The following UNC13A variants were observed in gnomAD, a reference collection of about 807,000 sequenced individuals.
UNC13A encodes the protein protein unc-13 homolog A.
Under a neutral mutation model 219.7 loss-of-function variants are expected in UNC13A, and 61 were observed. That is an observed-to-expected ratio of 0.28 (90% CI 0.23 to 0.34). UNC13A has a LOEUF of 0.34. UNC13A is among the 10% of genes least tolerant of loss of function. The pLI, the probability that UNC13A is intolerant of heterozygous loss-of-function variation, is 1.00. For synonymous variants in UNC13A, 920 were observed against 884.6 expected, an observed-to-expected ratio of 1.04 and a Z score of -0.71; for missense variants, 1,476 against 2,270.3, an observed-to-expected ratio of 0.65 and a Z score of 7.11.
At chr19:17,623,438 G>A in intron 36 of UNC13A, 104 bp downstream of exon 36, 1 of 855,596 alleles carries the variant, frequency 1.2e-6, no homozygotes, top group Non-Finnish European at 1.8e-6. Context: ...GGTGGGTGAG[G>A]AGGGGGCGCT....
At chr19:17,680,241 A>AC (rs1274609155) in intron 1 of UNC13A, among the ~76,000 whole-genome samples, 51 of 152,264 alleles carry the variant, frequency 3.3e-4, no homozygotes, top group African/African-American at 1.2e-3. Context: ...CCCGGTCAGT[A>AC]AATGGTCCCT....
At position 17,640,496 on chromosome 19, in the gene UNC13A, G is replaced by A; in HGVS notation, c.2787+15C>T. The A allele has an allele frequency of 6.5e-7, 1 of 1,544,998 alleles. No individual in the cohort carries two copies. The highest frequency in any genetic ancestry group is 8.7e-7 in the Non-Finnish European group (1 of 1,145,036). On this transcript the variant is annotated intron_variant, in intron 22 of 43. Coordinates refer to ENST00000519716, the MANE Select transcript of UNC13A (RefSeq NM_001080421.3). ...GGCTCTCCCTAATTCTCCAATCCCA[G>A]TCCCCAGGACTGACCCCAAAGTTGG...
chr19:17,674,551 G>A lies in UNC13A; in HGVS notation c.152+106C>T, dbSNP rs1438293653. The A allele has an allele frequency of 2.2e-6, 2 of 920,808 alleles. No homozygotes were observed. Among genetic ancestry groups the A allele is most frequent in the African/African-American group, 3.2e-5 (2 of 61,660 alleles). 57.0% of individuals were successfully genotyped at this position (920,808 alleles called of 1,614,324 possible). A position where few individuals can be genotyped will look rare whatever the true frequency, so the allele number is the denominator to read the frequency against. ...GGTGGACAGGGGAAGAGGGAGGACA[G>A]AGGGGAGTCACCCGGGATTCCCCAG... is the stretch of plus-strand genomic sequence containing the variant. On this transcript the variant is annotated intron_variant, in intron 3 of 43. Coordinates refer to ENST00000519716, the MANE Select transcript of UNC13A (RefSeq NM_001080421.3). This position sits in a 1 kb window ranked among gnomAD's most constrained non-coding sequence, Gnocchi z 5.0.
rs1007579717 is a variant in UNC13A at position 17,674,427 on chromosome 19, C to G, written c.152+230G>C. Among the ~76,000 whole-genome samples, 2 of 152,144 alleles carry G rather than the reference C, an allele frequency of 1.3e-5. No homozygotes were observed. Among genetic ancestry groups the G allele is most frequent in the Non-Finnish European group, 2.9e-5 (2 of 68,024 alleles). The stretch of plus-strand genomic sequence containing the variant: ...GTAGGAGGTGGATGGCACAGGAGGC[C>G]AGGGCGGAGGCTGGCGGGCAGCAGG... On this transcript the variant is annotated intron_variant, in intron 3 of 43. Transcript: ENST00000519716. This position sits in a 1 kb window ranked among gnomAD's most constrained non-coding sequence, Gnocchi z 5.0.
In UNC13A at chr19:17,675,942, T is replaced by G. The variant is rs1335192075; in HGVS notation, c.52+70A>C. On this transcript the variant is annotated intron_variant, in intron 2 of 43. Coordinates refer to ENST00000519716, the MANE Select transcript of UNC13A (RefSeq NM_001080421.3). ...ACTCTAAGTCTGGGCTGGGACCCCC[T>G]CCCAGTCTCTCCAAGAGACAGACAG... 4 of 1,536,856 alleles carry G rather than the reference T, an allele frequency of 2.6e-6. No homozygotes were observed. In the Admixed American group the frequency reaches 7.9e-5, roughly 30 times the overall value.
Position 17,649,498 on chromosome 19 carries a change from A to T in UNC13A, c.1518+11T>A, listed in dbSNP as rs1326771587. 1.2e-6 allele frequency: 2 copies of T among 1,613,796 alleles called. No individual in the cohort carries two copies. Among genetic ancestry groups the T allele is most frequent in the African/African-American group, 2.7e-5 (2 of 74,908 alleles). On this transcript the variant is annotated intron_variant, in intron 13 of 43. Coordinates refer to ENST00000519716, the MANE Select transcript of UNC13A (RefSeq NM_001080421.3). The surrounding 1 kb of genome is among the most constrained non-coding windows in gnomAD (Gnocchi z 4.4). ...TGCTCTGCTCAGGGAGTAAAGGGCG[A>T]GGGTGCTTACCAAGTCGCTCACGAG...
rs771162919 is a variant in UNC13A at position 17,620,684 on chromosome 19, C to T, written c.4272+9G>A. On this transcript the variant is annotated intron_variant, in intron 38 of 43. Transcript: ENST00000519716. ...GGGAGCCAGACAGACAGTGAGAGGC[C>T]GGTCTTACGTCTGAGTGGCTTGGCA... 52 of 1,612,530 alleles carry T rather than the reference C, an allele frequency of 3.2e-5. No individual in the cohort carries two copies. The highest frequency in any genetic ancestry group is 3.6e-5 in the Non-Finnish European group (43 of 1,179,482).
At chr19:17,616,963 G>A (rs904769995) in intron 41 of UNC13A, among the ~76,000 whole-genome samples, 3 of 152,192 alleles carry the variant, frequency 2.0e-5, no homozygotes, top group Non-Finnish European at 2.9e-5. Context: ...TGTGCGCTCA[G>A]AGAGGGACAG....
intron 29 of UNC13A, 144 bp downstream of exon 29, chr19:17,630,506 GATGA>G: frequency 8.8e-7 from 1 of 1,134,458 alleles, no homozygotes; most frequent in Non-Finnish European, 1.3e-6. Flanking sequence ...TTTTGTAGTT[GATGA>G]ATGAACAAAA....
Position 17,630,132 on chromosome 19 carries a change from C to T in UNC13A, c.3669+13G>A, listed in dbSNP as rs1250516227. ...CCTGTCCCCTAGCCCCAACCCTACC[C>T]ACTCTCCCACACCTTGGCAAAGCGC... On this transcript the variant is annotated intron_variant, in intron 30 of 43. Coordinates refer to ENST00000519716, the MANE Select transcript of UNC13A (RefSeq NM_001080421.3). The T allele has an allele frequency of 6.4e-7, 1 of 1,551,668 alleles. No individual in the cohort carries two copies.
chr19:17,667,776 ATT>A (rs34197880), intron 6 of UNC13A, among the ~76,000 whole-genome samples: 23,624 of 107,868 alleles, frequency 0.22, 2,653 homozygotes, highest in African/African-American at 0.37. Context: ...AGCCTGGCTA[ATT>A]TTTTTTTTTT....
intron 1 of UNC13A, among the ~76,000 whole-genome samples, chr19:17,687,304 C>T (rs893387186): frequency 2.0e-5 from 3 of 151,962 alleles, no homozygotes; most frequent in Non-Finnish European, 2.9e-5. Context: ...AAATAGCTCC[C>T]CCCCCACCTC....
At chr19:17,623,430 T>G (rs986943609) in intron 36 of UNC13A, 112 bp downstream of exon 36, 24 of 619,306 alleles carry the variant, frequency 3.9e-5, no homozygotes, top group Middle Eastern at 4.8e-4. Flanking sequence ...GGGAGGATGG[T>G]GGGTGAGGAG....
intron 16 of UNC13A, 51 bp from the exon 17 acceptor site, chr19:17,647,543 C>T: frequency 6.4e-7 from 1 of 1,565,728 alleles, no homozygotes; most frequent in Non-Finnish European, 8.7e-7. Context: ...GCATAGTGGC[C>T]CCTCACCAAG....
At chr19:17,664,198 T>C (rs2079602090) in intron 7 of UNC13A, among the ~76,000 whole-genome samples, 2 of 152,114 alleles carry the variant, frequency 1.3e-5, no homozygotes, top group South Asian at 4.1e-4. Context: ...GTTAGCAGTC[T>C]CCCAGTCTCC....
At chr19:17,651,032 G>A (rs960452885) in intron 12 of UNC13A, among the ~76,000 whole-genome samples, 3 of 150,954 alleles carry the variant, frequency 2.0e-5, no homozygotes, top group African/African-American at 4.9e-5. Context: ...CTGCCTCCTG[G>A]GTTCAAGCAA....
chr19:17,616,420 A>G (rs1401499561), intron 41 of UNC13A: 1 of 699,106 alleles, frequency 1.4e-6, no homozygotes, highest in Non-Finnish European at 2.6e-6. Context: ...TTCTCAGGAT[A>G]AATGTCTTCA....
chr19:17,662,659 G>A (rs1229600376), intron 8 of UNC13A, among the ~76,000 whole-genome samples: 1 of 152,066 alleles, frequency 6.6e-6, no homozygotes, highest in Non-Finnish European at 1.5e-5. Context: ...CATGGCTCAT[G>A]CCTGTAATCC....
intron 43 of UNC13A, among the ~76,000 whole-genome samples, chr19:17,607,741 G>C (rs1225983089): frequency 6.6e-6 from 1 of 151,528 alleles, no homozygotes; most frequent in Non-Finnish European, 1.5e-5. Context: ...CTGCACTTCT[G>C]TCTCCTAAGA....
Sources: allele counts gnomAD v4.1 joint callset (sites outside exome capture counted in the v4.1 genomes callset), GRCh38; gene constraint gnomAD v4.1.1; non-coding constraint Gnocchi (gnomAD v3.1); transcripts MANE v1.5; gene names NCBI Gene and HGNC (gene_info 2026-07-23, HGNC 2026-07-21).